Variants in PARD3B observed in about 807,000 individuals in gnomAD.
PARD3B encodes the protein par-3 family cell polarity regulator beta, also known as partitioning defective 3 homolog B.
Under a neutral mutation model 130.2 loss-of-function variants are expected in PARD3B, and 103 were observed. That is an observed-to-expected ratio of 0.79 (90% confidence interval 0.67 to 0.93). PARD3B has a LOEUF of 0.93. Ranked by LOEUF, PARD3B falls within the 40% of genes least tolerant of loss-of-function variation. The pLI is 0.00. For missense variants in PARD3B, 1,609 were observed against 1,499.2 expected (o/e 1.07, Z -1.21); for synonymous variants, 583 against 553.2 (o/e 1.05, Z -0.76).
intron 11 of PARD3B, among the ~76,000 whole-genome samples, chr2:205,165,491 G>GTTAACTCCTATAGTCAGGCTTATTACAA (rs567607743): frequency 0.018 from 2,680 of 151,974 alleles, 72 homozygotes; most frequent in African/African-American, 0.062. Context: ...TTATGCATAT[G>GTTAACTCCTATAGTCAGGCTTATTACAA]TTAACTCCTA....
At chr2:205,549,128 C>T (rs1354877509) in intron 21 of PARD3B, among the ~76,000 whole-genome samples, 1 of 152,104 alleles carries the variant, frequency 6.6e-6, no homozygotes, top group Admixed American at 6.6e-5. Flanking sequence ...CAAATGCTGA[C>T]AAGGAAGTGG....
At chr2:204,622,610 A>G (rs2034344660) in intron 1 of PARD3B, among the ~76,000 whole-genome samples, 2 of 151,738 alleles carry the variant, frequency 1.3e-5, no homozygotes, top group Admixed American at 6.6e-5. Context: ...TTTATATACT[A>G]CTATTATATA....
chr2:204,700,662 G>T (rs369070331), intron 2 of PARD3B, among the ~76,000 whole-genome samples: 1 of 152,122 alleles, frequency 6.6e-6, no homozygotes, highest in African/African-American at 2.4e-5. Flanking sequence ...TTACTTTGGG[G>T]CAATGCCAGT....
At chr2:204,651,356 G>A (rs189040433) in intron 1 of PARD3B, among the ~76,000 whole-genome samples, 1 of 152,320 alleles carries the variant, frequency 6.6e-6, no homozygotes, top group East Asian at 1.9e-4. Context: ...CCCAAAGAAA[G>A]GGGCTGTTGG....
At chr2:204,702,390 A>G (rs999192342) in intron 2 of PARD3B, among the ~76,000 whole-genome samples, 4 of 152,150 alleles carry the variant, frequency 2.6e-5, no homozygotes, top group Non-Finnish European at 4.4e-5. Flanking sequence ...TTTTCTTTGC[A>G]GCCTCACCAG....
chr2:204,927,366 C>T (rs1335802898), intron 2 of PARD3B, among the ~76,000 whole-genome samples: 7 of 152,080 alleles, frequency 4.6e-5, no homozygotes, highest in Non-Finnish European at 7.4e-5. Context: ...TTCCACCATG[C>T]AAGGGTGCAG....
intron 6 of PARD3B, among the ~76,000 whole-genome samples, chr2:205,115,743 A>C (rs1207479797): frequency 6.6e-6 from 1 of 152,196 alleles, no homozygotes; most frequent in Admixed American, 6.5e-5. Flanking sequence ...AGAGCATGTC[A>C]GACAAGTGTC....
chr2:204,608,513 C>T (rs2033811175), intron 1 of PARD3B, among the ~76,000 whole-genome samples: 1 of 152,138 alleles, frequency 6.6e-6, no homozygotes. Flanking sequence ...TTGGCTGGGT[C>T]TTATTTTCTC....
chr2:205,296,903 T>C (rs939684559), intron 16 of PARD3B, among the ~76,000 whole-genome samples: 3 of 152,108 alleles, frequency 2.0e-5, no homozygotes, highest in African/African-American at 7.2e-5. Flanking sequence ...GTGGCATTTT[T>C]TTAATGAGGC....
intron 2 of PARD3B, among the ~76,000 whole-genome samples, chr2:204,871,030 A>G (rs2045610093): frequency 6.6e-6 from 1 of 152,188 alleles, no homozygotes; most frequent in Non-Finnish European, 1.5e-5. Flanking sequence ...ATGTTTTAAT[A>G]TATAATCATA....
intron 4 of PARD3B, among the ~76,000 whole-genome samples, chr2:205,093,383 C>A (rs1016150270): frequency 1.3e-5 from 2 of 152,030 alleles, no homozygotes; most frequent in African/African-American, 2.4e-5. Context: ...GGCAGACAGA[C>A]CTGTAAAGAA....
At chr2:205,451,603 C>A (rs1359414252) in intron 20 of PARD3B, among the ~76,000 whole-genome samples, 2 of 151,742 alleles carry the variant, frequency 1.3e-5, no homozygotes, top group Non-Finnish European at 2.9e-5. Context: ...TATGTAGACC[C>A]TCTTTTATAG....
intron 2 of PARD3B, among the ~76,000 whole-genome samples, chr2:204,917,689 A>T (rs1575300342): frequency 6.6e-6 from 1 of 152,186 alleles, no homozygotes; most frequent in African/African-American, 2.4e-5. Context: ...TCTAATTTGG[A>T]TCAGAAGAGT....
intron 2 of PARD3B, among the ~76,000 whole-genome samples, chr2:204,789,984 C>T (rs1468988845): frequency 6.6e-6 from 1 of 152,006 alleles, no homozygotes; most frequent in Admixed American, 6.6e-5. Flanking sequence ...CATTCTCCTG[C>T]CTCAGCCTCC....
intron 1 of PARD3B, among the ~76,000 whole-genome samples, chr2:204,653,526 C>T (rs1203027185): frequency 2.0e-5 from 3 of 150,908 alleles, no homozygotes; most frequent in Non-Finnish European, 2.9e-5. Flanking sequence ...CACAGTGGCT[C>T]ATGCCTGTAA....
intron 16 of PARD3B, among the ~76,000 whole-genome samples, chr2:205,278,401 T>TG (rs574308995): frequency 1.3e-4 from 20 of 152,056 alleles, no homozygotes; most frequent in African/African-American, 3.1e-4. Context: ...CTGATAGGCT[T>TG]GGGGGGGAGA....
chr2:205,208,958 G>T (rs1484660678), intron 15 of PARD3B, among the ~76,000 whole-genome samples: 7 of 129,912 alleles, frequency 5.4e-5, no homozygotes, highest in Non-Finnish European at 4.8e-5. Flanking sequence ...CACACTACCT[G>T]ACTTCAAACT....
rs573464659 is a variant in PARD3B, at chr2:204,760,959, T to C, written c.222+74677T>C. Among the ~76,000 whole-genome samples the C allele has an allele frequency of 3.4e-3, 522 of 152,348 alleles. 3 individuals are homozygous for C. Among genetic ancestry groups the C allele is most frequent in the Non-Finnish European group, 6.1e-3 (412 of 68,018 alleles). ...AGCATCTTAATAGCTGCCACATTTG[T>C]TGACTATTTTCTATATGCCAGTATT... On this transcript the variant is annotated intron_variant, in intron 2 of 22. Transcript: ENST00000406610.
In PARD3B at chr2:205,440,904, A is replaced by G. The variant is rs1406265766; in HGVS notation, c.3044+232A>G. On this transcript the variant is annotated intron_variant, in intron 20 of 22. Transcript: ENST00000406610. This position sits in a 1 kb window ranked among gnomAD's most constrained non-coding sequence, Gnocchi z 4.2. ...ATAGTAGTAGCAGAGTTCATGATGC[A>G]ATAGGGAGCCATTTTTGAAGGAGTA... Among the ~76,000 whole-genome samples the G allele has an allele frequency of 6.6e-6, 1 of 152,242 alleles. No homozygotes were observed. Among genetic ancestry groups the G allele is most frequent in the African/African-American group, 2.4e-5 (1 of 41,460 alleles).
Sources: allele counts gnomAD v4.1 joint callset (sites outside exome capture counted in the v4.1 genomes callset), GRCh38; gene constraint gnomAD v4.1.1; non-coding constraint Gnocchi (gnomAD v3.1); transcripts MANE v1.5; gene names NCBI Gene and HGNC (gene_info 2026-07-23, HGNC 2026-07-21).